Variants in EIF3E observed in about 807,000 individuals in gnomAD.
The protein encoded by EIF3E is eIF-3 p48.
EIF3E carries 25 observed loss-of-function variants against 59.3 expected under a neutral mutation model. That is an observed-to-expected ratio of 0.42 (90% CI 0.31 to 0.59). The LOEUF (loss-of-function observed/expected upper bound fraction) is 0.59. EIF3E is among the 20% of genes least tolerant of loss of function. EIF3E has a pLI of 0.15. For synonymous variants in EIF3E, 176 were observed against 170.2 expected, an observed-to-expected ratio of 1.03 and a Z score of -0.26; for missense variants, 317 against 534.3, an observed-to-expected ratio of 0.59 and a Z score of 4.01.
chr8:108,221,581 T>C (rs1464659997), intron 7 of EIF3E: 5 of 152,242 alleles, frequency 3.3e-5, no homozygotes, highest in Non-Finnish European at 7.3e-5. Context: ...TTCACTTCTC[T>C]GTTTTGACAC....
rs536598359 is a variant in EIF3E, at chr8:108,227,156, C to T, written c.722+1111G>A. 4 of 152,162 alleles carry T rather than the reference C, an allele frequency of 2.6e-5. No individual in the cohort carries two copies. In the South Asian group the frequency reaches 8.3e-4, roughly 32 times the overall value. 9.4% of individuals were successfully genotyped at this position (152,162 alleles called of 1,614,324 possible). On this transcript the variant is annotated intron_variant, in intron 7 of 12. Coordinates refer to ENST00000220849, the MANE Select transcript of EIF3E (RefSeq NM_001568.3). ...CCTGCACAACACGGTGAAACCCTGT[C>T]TTACAAAAAATAGAAAAATTAGCCA... is the stretch of plus-strand genomic sequence containing the variant.
chr8:108,230,175 A>G (rs1450021166), intron 5 of EIF3E, among the ~76,000 whole-genome samples: 1 of 152,208 alleles, frequency 6.6e-6, no homozygotes, highest in Admixed American at 6.5e-5. Context: ...ACATAATAGT[A>G]TAAATATCAA....
intron 1 of EIF3E, chr8:108,242,794 G>A: frequency 2.3e-6 from 1 of 433,852 alleles, no homozygotes; most frequent in Non-Finnish European, 3.1e-6. Context: ...CACATGAAAA[G>A]GTTCTCAACG....
At chr8:108,219,354 C>CT (rs1481803854) in intron 7 of EIF3E, among the ~76,000 whole-genome samples, 2 of 152,064 alleles carry the variant, frequency 1.3e-5, no homozygotes, top group Non-Finnish European at 2.9e-5. Context: ...ACATTTTTGG[C>CT]TTTGTGGGCA....
chr8:108,214,656 G>A lies in EIF3E; in HGVS notation c.1012C>T (p.Leu338Phe), dbSNP rs182548691. The A allele has an allele frequency of 2.5e-6, 4 of 1,611,794 alleles. No homozygotes were observed. Among genetic ancestry groups the A allele is most frequent in the Non-Finnish European group, 3.4e-6 (4 of 1,179,402 alleles). Residue 338 changes from leucine (L) to phenylalanine (F), a missense_variant, in exon 10 of 13, where the codon CTC (leucine) becomes TTC (phenylalanine). By Grantham distance (22) the Leu-to-Phe change is conservative. Around this residue, in one of 4 missense-constraint regions of EIF3E, gnomAD observed 242 missense variants for 398.0 expected, o/e 0.61. Coordinates refer to ENST00000220849, the MANE Select transcript of EIF3E (RefSeq NM_001568.3). ...CGACAGAAAGTCTCAAATATGAAGA[G>A]ACGGGCATTTTCAATGAAATCCTCA... The part of the protein sequence containing the change: ...CLEDFIENAR[L>F]FIFETFCRIH...
chr8:108,227,606 A>G (rs1199546485), intron 7 of EIF3E: 1 of 152,232 alleles, frequency 6.6e-6, no homozygotes, highest in East Asian at 1.9e-4. Flanking sequence ...GTGTTACTTA[A>G]TAAAACTAGA....
rs765138639 is a variant in EIF3E, at chr8:108,217,479, GT to G, written c.723-20del. The G allele has an allele frequency of 1.3e-6, 2 of 1,569,642 alleles. No individual in the cohort carries two copies. The highest frequency in any genetic ancestry group is 1.7e-6 in the Non-Finnish European group (2 of 1,160,510). ...AAGATATCTAAGAAAAAATATAAAA[GT>G]TATTTAATAACTTACCCAGGGTGAG... On this transcript the variant is annotated intron_variant, in intron 7 of 12. Coordinates refer to ENST00000220849, the MANE Select transcript of EIF3E (RefSeq NM_001568.3).
chr8:108,203,323 A>G, intron 11 of EIF3E, 78 bp downstream of exon 11: 1 of 1,381,758 alleles, frequency 7.2e-7, no homozygotes, highest in Non-Finnish European at 1.0e-6. Context: ...AAAGGAGGTA[A>G]TAAAATGTCC....
chr8:108,224,396 A>C (rs770079725), intron 7 of EIF3E, among the ~76,000 whole-genome samples: 3 of 151,452 alleles, frequency 2.0e-5, no homozygotes, highest in Non-Finnish European at 4.4e-5. Context: ...TAGATATACA[A>C]ATGCAAATCA....
chr8:108,248,527 G>T, intron 1 of EIF3E, 86 bp downstream of exon 1: 1 of 1,368,488 alleles, frequency 7.3e-7, no homozygotes, highest in Non-Finnish European at 1.0e-6. Context: ...GCACGTGTCA[G>T]GCCTAGGACT....
At chr8:108,238,451 T>C (rs1815775908) in intron 3 of EIF3E, among the ~76,000 whole-genome samples, 1 of 152,242 alleles carries the variant, frequency 6.6e-6, no homozygotes. Flanking sequence ...AAATCATCTC[T>C]AGATTACTTA....
chr8:108,202,041 C>A, intron 12 of EIF3E, 118 bp from the exon 13 acceptor site: 1 of 899,398 alleles, frequency 1.1e-6, no homozygotes, highest in Non-Finnish European at 1.6e-6. Flanking sequence ...CCAAACCATT[C>A]TAAGATCTTA....
chr8:108,246,566 C>T (rs1363337719), intron 1 of EIF3E, among the ~76,000 whole-genome samples: 1 of 152,034 alleles, frequency 6.6e-6, no homozygotes. Flanking sequence ...TACAATTAAC[C>T]CTTGGACGAC....
chr8:108,224,274 T>C (rs959471811), intron 7 of EIF3E, among the ~76,000 whole-genome samples: 1 of 151,352 alleles, frequency 6.6e-6, no homozygotes, highest in Non-Finnish European at 1.5e-5. Flanking sequence ...ACAATCTACA[T>C]ATAATATCCA....
chr8:108,209,540 C>T (rs747821300), intron 10 of EIF3E, among the ~76,000 whole-genome samples: 10 of 151,784 alleles, frequency 6.6e-5, no homozygotes, highest in East Asian at 1.9e-4. Flanking sequence ...ATTTAATATC[C>T]GCTTCTTCCT....
chr8:108,224,298 C>A (rs1209029904), intron 7 of EIF3E, among the ~76,000 whole-genome samples: 1 of 151,496 alleles, frequency 6.6e-6, no homozygotes, highest in Non-Finnish European at 1.5e-5. Flanking sequence ...AACATGCAAT[C>A]AACCAACTAC....
intron 5 of EIF3E, among the ~76,000 whole-genome samples, chr8:108,230,458 T>C (rs1815601533): frequency 2.0e-5 from 3 of 152,154 alleles, no homozygotes; most frequent in Admixed American, 1.3e-4. Flanking sequence ...TATATTTACA[T>C]ATACATTTAC....
chr8:108,211,242 A>T (rs1427215721), intron 10 of EIF3E, among the ~76,000 whole-genome samples: 1 of 152,054 alleles, frequency 6.6e-6, no homozygotes, highest in Non-Finnish European at 1.5e-5. Context: ...ATTTCTCCAC[A>T]TCCTCTCCAG....
rs1815000058 is a variant in EIF3E at position 108,201,788 on chromosome 8, T to C, written c.*97A>G. 9.9e-7 allele frequency: 1 copy of C among 1,011,512 alleles called. No homozygotes were observed. Among genetic ancestry groups the C allele is most frequent in the Non-Finnish European group, 1.3e-6 (1 of 746,312 alleles). The allele number at this position is 1,011,512 out of a possible 1,614,324, so 62.7% of individuals were successfully genotyped here. A position where few individuals can be genotyped will look rare whatever the true frequency, so the allele number is the denominator to read the frequency against. On this transcript the variant is annotated 3_prime_UTR_variant, in exon 13 of 13. Coordinates refer to ENST00000220849, the MANE Select transcript of EIF3E (RefSeq NM_001568.3). ...CCAATTCTTCAAAATTTATACGTAA[T>C]ATGTTGTTTCCAAAATGTAAGTCAC...
Sources: gnomAD v4.1 joint callset for allele counts (sites outside exome capture counted in the v4.1 genomes callset) on GRCh38, gnomAD v4.1.1 for gene constraint, gnomAD v4.1.1 regional missense constraint, MANE v1.5 for transcripts, NCBI Gene and HGNC (gene_info 2026-07-23, HGNC 2026-07-21) for gene names.